Variants in CLYBL observed in about 807,000 individuals in gnomAD.
The protein encoded by CLYBL is citramalyl-CoA lyase, mitochondrial.
A neutral mutation model predicts 38.9 loss-of-function variants in CLYBL; 31 were observed. That is an observed-to-expected ratio of 0.80 (90% CI 0.60 to 1.08). CLYBL has a LOEUF of 1.08. Ranked by LOEUF, CLYBL falls within the 50% of genes least tolerant of loss-of-function variation. The pLI is 0.00. For missense variants in CLYBL, 434 were observed against 411.6 expected, an observed-to-expected ratio of 1.05 and a Z score of -0.47; for synonymous variants, 171 against 158.6, an observed-to-expected ratio of 1.08 and a Z score of -0.59.
chr13:99,607,542 A>G (rs2046546674), intron 1 of CLYBL, among the ~76,000 whole-genome samples: 1 of 152,180 alleles, frequency 6.6e-6, no homozygotes, highest in Non-Finnish European at 1.5e-5. Context: ...CTGGTCTAGC[A>G]CTTGCCCATC....
At position 99,716,169 on chromosome 13, in the gene CLYBL, A is replaced by ATTTTTTTTTTTTTT. The variant is rs4001024; in HGVS notation, c.63-56630_63-56617dup. 2.0e-3 allele frequency among the ~76,000 whole-genome samples: 66 copies of ATTTTTTTTTTTTTT among 33,462 alleles called. 18 individuals are homozygous for ATTTTTTTTTTTTTT. Among genetic ancestry groups the ATTTTTTTTTTTTTT allele is most frequent in the Non-Finnish European group, 2.9e-3 (48 of 16,380 alleles). The allele number at this position is 33,462 out of a possible 152,430, so 22.0% of individuals were successfully genotyped here. ...AAATTGTCCTTGCTTTATTGGTGTA[A>ATTTTTTTTTTTTTT]TTTTTTTTTTTTTTTTTTTTTTTTT... On this transcript the variant is annotated intron_variant, in intron 1 of 8. Transcript: ENST00000339105.
In CLYBL at chr13:99,865,240, C is replaced by T. The variant is rs1196397090; in HGVS notation, c.634+329C>T. ...AAATATATTATGTGAACAGCCTCAC[C>T]GTTGCTTCAGTATTTTGTTTTCATA... On this transcript the variant is annotated intron_variant, in intron 5 of 8. Transcript: ENST00000339105. This position sits in a 1 kb window ranked among gnomAD's most constrained non-coding sequence, Gnocchi z 4.7. The T allele has an allele frequency of 2.9e-6, 1 of 346,116 alleles. No individual in the cohort carries two copies. The highest frequency in any genetic ancestry group is 6.0e-4 in the Middle Eastern group (1 of 1,680). The allele number at this position is 346,116 out of a possible 1,614,324, so 21.4% of individuals were successfully genotyped here. A position where few individuals can be genotyped will look rare whatever the true frequency, so the allele number is the denominator to read the frequency against.
rs1555324345 is a variant in CLYBL, at chr13:99,880,068, AT to A, written c.927+9023del. 2.2e-3 allele frequency among the ~76,000 whole-genome samples: 223 copies of A among 101,182 alleles called. 1 individual carries two copies. The highest frequency in any genetic ancestry group is 7.5e-3 in the East Asian group (28 of 3,722). The allele number at this position is 101,182 out of a possible 152,430, so 66.4% of individuals were successfully genotyped here. A position where few individuals can be genotyped will look rare whatever the true frequency, so the allele number is the denominator to read the frequency against. The stretch of plus-strand genomic sequence containing the variant: ...TGTGTATGTATATATATATATATAT[AT>A]TTTTTTTTTTTTTTTTGAGACAGAG... On this transcript the variant is annotated intron_variant, in intron 7 of 8. Transcript: ENST00000339105.
intron 1 of CLYBL, among the ~76,000 whole-genome samples, chr13:99,680,876 A>G (rs1594116686): frequency 6.6e-6 from 1 of 152,284 alleles, no homozygotes; most frequent in East Asian, 1.9e-4. Flanking sequence ...GACCCAATAA[A>G]CAAACTACCT....
intron 1 of CLYBL, among the ~76,000 whole-genome samples, chr13:99,650,092 T>C (rs377725522): frequency 6.6e-6 from 1 of 151,794 alleles, no homozygotes; most frequent in African/African-American, 2.4e-5. Context: ...TGAAACCCCA[T>C]CTCTACTAAA....
chr13:99,801,235 T>C (rs145675453), intron 2 of CLYBL, among the ~76,000 whole-genome samples: 19 of 152,374 alleles, frequency 1.2e-4, no homozygotes, highest in African/African-American at 3.8e-4. Flanking sequence ...TAAAGACTTT[T>C]AAATGCAGGC....
chr13:99,819,584 C>G (rs1382609383), intron 2 of CLYBL, among the ~76,000 whole-genome samples: 1 of 150,882 alleles, frequency 6.6e-6, no homozygotes, highest in Non-Finnish European at 1.5e-5. Context: ...GTTCTGCGAT[C>G]TGCTGTCTGC....
intron 1 of CLYBL, among the ~76,000 whole-genome samples, chr13:99,706,496 G>A (rs1012935908): frequency 1.4e-4 from 22 of 152,136 alleles, no homozygotes; most frequent in Non-Finnish European, 2.5e-4. Flanking sequence ...TGGATTCCTC[G>A]TAATTTTGGA....
At chr13:99,654,787 C>T (rs983833202) in intron 1 of CLYBL, among the ~76,000 whole-genome samples, 10 of 152,138 alleles carry the variant, frequency 6.6e-5, no homozygotes, top group Admixed American at 1.3e-4. Flanking sequence ...GGGCTGATCA[C>T]GAGGTCAGGA....
chr13:99,822,586 C>T (rs2050609636), intron 2 of CLYBL, among the ~76,000 whole-genome samples: 1 of 152,174 alleles, frequency 6.6e-6, no homozygotes, highest in African/African-American at 2.4e-5. Flanking sequence ...GTGGTGGTCA[C>T]AGTCATGCTT....
At chr13:99,756,894 A>G (rs1482327686) in intron 1 of CLYBL, among the ~76,000 whole-genome samples, 3 of 152,088 alleles carry the variant, frequency 2.0e-5, no homozygotes, top group Admixed American at 6.6e-5. Flanking sequence ...TGCAGTTTGA[A>G]TGTTATTTTA....
At chr13:99,749,021 A>G (rs1013506654) in intron 1 of CLYBL, among the ~76,000 whole-genome samples, 1 of 151,970 alleles carries the variant, frequency 6.6e-6, no homozygotes, top group Non-Finnish European at 1.5e-5. Context: ...TCTACTAAAA[A>G]TACAAAAATT....
At chr13:99,736,557 A>G (rs1044835983) in intron 1 of CLYBL, among the ~76,000 whole-genome samples, 3 of 152,238 alleles carry the variant, frequency 2.0e-5, no homozygotes, top group South Asian at 2.1e-4. Flanking sequence ...TGAAATCGGC[A>G]GGTAAGAGTT....
intron 2 of CLYBL, among the ~76,000 whole-genome samples, chr13:99,830,949 C>T (rs879713604): frequency 6.6e-6 from 1 of 152,124 alleles, no homozygotes; most frequent in Non-Finnish European, 1.5e-5. Context: ...GGCCCAAAAT[C>T]CAATGACAAG....
At chr13:99,710,536 T>C (rs571130935) in intron 1 of CLYBL, among the ~76,000 whole-genome samples, 1 of 152,318 alleles carries the variant, frequency 6.6e-6, no homozygotes, top group East Asian at 1.9e-4. Context: ...TTTATGCAGG[T>C]AGGGAAGAAA....
intron 1 of CLYBL, among the ~76,000 whole-genome samples, chr13:99,608,847 C>CTTTT (rs57961216): frequency 1.1e-5 from 1 of 87,882 alleles, no homozygotes; most frequent in Non-Finnish European, 2.0e-5. Flanking sequence ...AGTGATGAGT[C>CTTTT]TTTTTTTTTT....
intron 1 of CLYBL, among the ~76,000 whole-genome samples, chr13:99,725,739 C>T (rs147958506): frequency 2.7e-4 from 41 of 152,260 alleles, no homozygotes; most frequent in African/African-American, 9.1e-4. Context: ...ATTTCCACGC[C>T]GCTGAAAGGG....
chr13:99,656,608 A>C (rs148926540), intron 1 of CLYBL, among the ~76,000 whole-genome samples: 6 of 152,326 alleles, frequency 3.9e-5, no homozygotes, highest in African/African-American at 1.4e-4. Flanking sequence ...ATCCATGTTT[A>C]GAGTAGGTAA....
chr13:99,706,088 T>G (rs1387779332), intron 1 of CLYBL, among the ~76,000 whole-genome samples: 2 of 152,054 alleles, frequency 1.3e-5, no homozygotes, highest in Non-Finnish European at 2.9e-5. Flanking sequence ...CGTGCCGTCA[T>G]GCCCCGCCAA....
Sources: gnomAD v4.1 joint callset for allele counts (sites outside exome capture counted in the v4.1 genomes callset) on GRCh38, gnomAD v4.1.1 for gene constraint, Gnocchi (gnomAD v3.1) non-coding constraint, MANE v1.5 for transcripts, NCBI Gene and HGNC (gene_info 2026-07-23, HGNC 2026-07-21) for gene names.